Variants in OOEP observed in about 807,000 individuals in gnomAD.
OOEP encodes the protein oocyte expressed protein.
A neutral mutation model predicts 13.7 loss-of-function variants in OOEP; 16 were observed. The ratio of observed to expected loss-of-function variants is 1.16; its 90% CI spans 0.79 to 1.77. The LOEUF is 1.77. Among genes scored for constraint, OOEP ranks in the 40% most tolerant of loss-of-function variants. The pLI is 0.00. For missense variants in OOEP, 195 were observed against 193.1 expected (o/e 1.01, Z -0.06); for synonymous variants, 89 against 77.1 (o/e 1.15, Z -0.81).
chr6:73,382,615 C>T (rs919821417), intron 2 of OOEP, among the ~76,000 whole-genome samples: 8 of 152,012 alleles, frequency 5.3e-5, no homozygotes, highest in Non-Finnish European at 8.8e-5. Flanking sequence ...CCTGCCCCAG[C>T]CTTCCAAAGT....
At chr6:73,392,128 A>C (rs1312166565) in intron 2 of OOEP, among the ~76,000 whole-genome samples, 1 of 152,196 alleles carries the variant, frequency 6.6e-6, no homozygotes. Flanking sequence ...AAACCAGTCA[A>C]AGACATTACA....
intron 2 of OOEP, chr6:73,394,296 G>C (rs1196373151): frequency 1.4e-6 from 1 of 713,866 alleles, no homozygotes; most frequent in African/African-American, 1.8e-5. Flanking sequence ...TCAATCTGTT[G>C]TTTCAAGTTT....
chr6:73,375,604 T>C (rs908386674), intron 2 of OOEP, among the ~76,000 whole-genome samples: 1 of 148,042 alleles, frequency 6.8e-6, no homozygotes, highest in Non-Finnish European at 1.5e-5. Flanking sequence ...ATATATAATA[T>C]ATATAGCTTA....
upstream of OOEP, chr6:73,369,966 A>G (rs966290430): frequency 6.6e-6 from 4 of 603,188 alleles, no homozygotes; most frequent in Non-Finnish European, 2.9e-6. Context: ...GCATAGCGGC[A>G]CCATTGGACA....
chr6:73,393,061 T>C (rs2150784508), intron 2 of OOEP, among the ~76,000 whole-genome samples: 1 of 151,892 alleles, frequency 6.6e-6, no homozygotes, highest in South Asian at 2.1e-4. Flanking sequence ...AGCCACACCA[T>C]GCCTGGCCTG....
At chr6:73,371,771 A>T (rs1386321625), upstream of OOEP, among the ~76,000 whole-genome samples, 55 of 150,168 alleles carry the variant, frequency 3.7e-4, no homozygotes, top group African/African-American at 1.0e-3. Context: ...AAAAATAAAA[A>T]TAAAAAAATT....
chr6:73,369,075 G>T, intron 2 of OOEP, 131 bp downstream of exon 2: 1 of 985,558 alleles, frequency 1.0e-6, no homozygotes. Flanking sequence ...AACAAACTTC[G>T]TACAGCTAGC....
rs147467609 is a variant in OOEP, at chr6:73,395,014, C to A, written c.-414G>T. ...GAGGAGGCCGGCGGAGGAGTTGAATCGAACAGGTCCTGAGGGATATAGTGT... is the reference window on the plus strand; with the variant it reads ...GAGGAGGCCGGCGGAGGAGTTGAATAGAACAGGTCCTGAGGGATATAGTGT... On this transcript the variant is annotated 5_prime_UTR_variant, in exon 1 of 4. Transcript: ENST00000370363. 1,743 of 1,614,132 alleles carry A rather than the reference C, an allele frequency of 1.1e-3. 2 individuals are homozygous for A. The highest frequency in any genetic ancestry group is 1.4e-3 in the Non-Finnish European group (1,680 of 1,180,042).
At chr6:73,372,394 G>C (rs959665346), upstream of OOEP, among the ~76,000 whole-genome samples, 1 of 152,136 alleles carries the variant, frequency 6.6e-6, no homozygotes, top group African/African-American at 2.4e-5. Flanking sequence ...TCAGTCTCAG[G>C]TGTAGCCCAA....
At chr6:73,371,622 T>C (rs949629967), upstream of OOEP, among the ~76,000 whole-genome samples, 2 of 151,992 alleles carry the variant, frequency 1.3e-5, no homozygotes, top group Admixed American at 6.6e-5. Flanking sequence ...TGGTGGTGCA[T>C]GCCTATAATC....
chr6:73,378,870 G>GA (rs749160038), intron 2 of OOEP, among the ~76,000 whole-genome samples: 3,118 of 131,672 alleles, frequency 0.024, 32 homozygotes, highest in Admixed American at 0.033. Context: ...ACTGTCTCCA[G>GA]AAAAAAAAAA....
intron 2 of OOEP, among the ~76,000 whole-genome samples, chr6:73,380,835 A>G (rs997287678): frequency 2.6e-5 from 4 of 152,164 alleles, no homozygotes; most frequent in African/African-American, 9.7e-5. Context: ...AAGTAAGTTG[A>G]GTCACATTTG....
exon 2 of OOEP, chr6:73,394,481 C>T (rs116686677): frequency 3.3e-4 from 214 of 654,160 alleles, no homozygotes; most frequent in Admixed American, 8.4e-4. Flanking sequence ...CACGGCGACA[C>T]CCCGTCTCTA....
chr6:73,394,735 GAA>G (rs1245875907), exon 1 of OOEP: 16 of 951,488 alleles, frequency 1.7e-5, no homozygotes, highest in Non-Finnish European at 2.3e-5. Context: ...ATGGCTGCGT[GAA>G]ATCAGTGCGA....
intron 2 of OOEP, among the ~76,000 whole-genome samples, chr6:73,382,930 C>T (rs1183326210): frequency 6.8e-6 from 1 of 146,866 alleles, no homozygotes; most frequent in Non-Finnish European, 1.5e-5. Flanking sequence ...TCTCAGCTCA[C>T]CGCAGCCTCC....
chr6:73,385,490 C>A (rs1181986377), intron 2 of OOEP, among the ~76,000 whole-genome samples: 2 of 151,910 alleles, frequency 1.3e-5, no homozygotes, highest in Non-Finnish European at 2.9e-5. Flanking sequence ...GAATAAAGGA[C>A]AACAACTACA....
At chr6:73,377,875 A>G (rs1014600775) in intron 2 of OOEP, among the ~76,000 whole-genome samples, 5 of 152,134 alleles carry the variant, frequency 3.3e-5, no homozygotes, top group South Asian at 4.1e-4. Context: ...AGTTCTTGCT[A>G]TGTTGCCAAG....
At chr6:73,386,102 T>G (rs1285904584) in intron 2 of OOEP, among the ~76,000 whole-genome samples, 1 of 151,142 alleles carries the variant, frequency 6.6e-6, no homozygotes, top group African/African-American at 2.4e-5. Context: ...TTTTTTTTTT[T>G]TTTTTTCCTG....
At position 73,369,624 on chromosome 6, in the gene OOEP, A is replaced by G; in HGVS notation, c.169T>C (p.Trp57Arg). The change falls in exon 1 of 3, where the codon TGG (tryptophan) becomes CGG (arginine). Residue 57 changes from tryptophan to arginine, a missense_variant. Trp to Arg is a moderately radical substitution (Grantham distance 101). Coordinates refer to ENST00000370359, the MANE Select transcript of OOEP (RefSeq NM_001080507.3). The part of the protein sequence containing the change: ...RDPLVFYLEA[W>R]LADELFGPDR... ...TCACCAAAGAGCTCGTCTGCCAGCCATGCCTCTAGGTAGAACACCAAAGGG... is the reference window on the plus strand; with the variant it reads ...TCACCAAAGAGCTCGTCTGCCAGCCGTGCCTCTAGGTAGAACACCAAAGGG... 2 of 1,613,820 alleles carry G rather than the reference A, an allele frequency of 1.2e-6. No homozygotes were observed. Among genetic ancestry groups the G allele is most frequent in the Non-Finnish European group, 1.7e-6 (2 of 1,179,744 alleles).
Sources: allele counts gnomAD v4.1 joint callset (sites outside exome capture counted in the v4.1 genomes callset), GRCh38; gene constraint gnomAD v4.1.1; transcripts MANE v1.5; gene names NCBI Gene and HGNC (gene_info 2026-07-23, HGNC 2026-07-21).